EPHB1: variants seen among roughly 807,000 people sequenced by gnomAD.
EPHB1 encodes ephrin type-B receptor 1.
EPHB1 carries 30 observed loss-of-function variants against 94.4 expected under a neutral mutation model. That is an observed-to-expected ratio of 0.32 (90% CI 0.24 to 0.43). EPHB1 has a LOEUF of 0.43. Among genes scored for constraint, EPHB1 ranks in the 20% least tolerant of loss-of-function variants. The pLI, the probability that EPHB1 is intolerant of heterozygous loss-of-function variation, is 1.00. For synonymous variants in EPHB1, 522 were observed against 489.1 expected (o/e 1.07, Z -0.89); for missense variants, 1,055 against 1,308.3 (o/e 0.81, Z 2.99).
In EPHB1 at chr3:135,011,099, C is replaced by T. The variant is rs115727908; in HGVS notation, c.805+59047C>T. Among the ~76,000 whole-genome samples, 1,107 of 152,288 alleles carry T rather than the reference C, an allele frequency of 7.3e-3. 18 individuals carry two copies. The highest frequency in any genetic ancestry group is 0.025 in the African/African-American group (1,050 of 41,560). On this transcript the variant is annotated intron_variant, in intron 3 of 15. Coordinates refer to ENST00000398015, the MANE Select transcript of EPHB1 (RefSeq NM_004441.5). ...TTGAATCTTCTTGCCTATTTGTGTACATGGGGTTGCAGGGGCAACCTGCCT... is the reference window on the plus strand; with the variant it reads ...TTGAATCTTCTTGCCTATTTGTGTATATGGGGTTGCAGGGGCAACCTGCCT...
intron 9 of EPHB1, among the ~76,000 whole-genome samples, chr3:135,175,610 A>AT: frequency 1.3e-5 from 2 of 152,306 alleles, no homozygotes; most frequent in South Asian, 4.1e-4. Context: ...CATACATAAC[A>AT]TTTTTGTGCC....
chr3:134,798,416 CAGG>C (rs1287025553), intron 1 of EPHB1, among the ~76,000 whole-genome samples: 1 of 152,184 alleles, frequency 6.6e-6, no homozygotes, highest in African/African-American at 2.4e-5. Context: ...CATAATCAGG[CAGG>C]AGGACTGTTG....
intron 6 of EPHB1, among the ~76,000 whole-genome samples, chr3:135,154,657 T>G (rs1234730944): frequency 1.3e-5 from 2 of 152,286 alleles, no homozygotes; most frequent in South Asian, 2.1e-4. Flanking sequence ...TTCAAAGTGT[T>G]TGTGTACCTC....
intron 3 of EPHB1, among the ~76,000 whole-genome samples, chr3:134,998,933 A>G (rs1425371185): frequency 1.3e-5 from 2 of 152,196 alleles, no homozygotes; most frequent in African/African-American, 4.8e-5. Flanking sequence ...GAGGAAGAAG[A>G]TAAGCCAGGA....
chr3:135,026,362 C>A (rs1208082060), intron 3 of EPHB1, among the ~76,000 whole-genome samples: 1 of 145,576 alleles, frequency 6.9e-6, no homozygotes, highest in Non-Finnish European at 1.5e-5. Context: ...ACGTTTAAGT[C>A]TTTAATCCAT....
intron 4 of EPHB1, among the ~76,000 whole-genome samples, chr3:135,128,039 G>A (rs115033004): frequency 1.2e-4 from 19 of 152,278 alleles, no homozygotes; most frequent in East Asian, 3.9e-4. Flanking sequence ...AGAAGTAACC[G>A]TGGCAACAGA....
At chr3:135,159,131 A>C (rs1161398657) in intron 6 of EPHB1, among the ~76,000 whole-genome samples, 1 of 152,186 alleles carries the variant, frequency 6.6e-6, no homozygotes, top group African/African-American at 2.4e-5. Context: ...CAACAGCTGC[A>C]TTCTCCATCC....
At chr3:135,220,810 C>A (rs774655412) in intron 12 of EPHB1, among the ~76,000 whole-genome samples, 10 of 152,112 alleles carry the variant, frequency 6.6e-5, no homozygotes, top group Non-Finnish European at 1.3e-4. Flanking sequence ...GTGCCTGAGG[C>A]TGACCCCAGC....
chr3:135,132,092 C>A (rs911518913), intron 4 of EPHB1, among the ~76,000 whole-genome samples: 1 of 152,174 alleles, frequency 6.6e-6, no homozygotes, highest in African/African-American at 2.4e-5. Flanking sequence ...TCATGGGGCC[C>A]AAAGTGACTA....
chr3:135,066,934 C>A (rs1937587657), intron 3 of EPHB1, among the ~76,000 whole-genome samples: 1 of 152,166 alleles, frequency 6.6e-6, no homozygotes, highest in Non-Finnish European at 1.5e-5. Context: ...TTCCTGAGAG[C>A]CAGGCTGCAG....
At chr3:135,140,351 C>T (rs571241897) in intron 5 of EPHB1, among the ~76,000 whole-genome samples, 6 of 152,290 alleles carry the variant, frequency 3.9e-5, no homozygotes, top group South Asian at 2.1e-4. Context: ...CAGGAGAGAA[C>T]GCCCTGTATC....
chr3:135,155,615 C>A (rs1020909331), intron 6 of EPHB1, among the ~76,000 whole-genome samples: 2 of 151,494 alleles, frequency 1.3e-5, no homozygotes, highest in African/African-American at 4.9e-5. Flanking sequence ...ACTAGCCTGA[C>A]CAACATAATG....
At chr3:135,086,690 C>T (rs1938374644) in intron 3 of EPHB1, among the ~76,000 whole-genome samples, 1 of 152,018 alleles carries the variant, frequency 6.6e-6, no homozygotes, top group Admixed American at 6.6e-5. Context: ...AGAGAGGAGA[C>T]TGCCTGTTCT....
At chr3:134,891,506 C>A (rs964194079) in intron 1 of EPHB1, among the ~76,000 whole-genome samples, 1 of 152,052 alleles carries the variant, frequency 6.6e-6, no homozygotes, top group Non-Finnish European at 1.5e-5. Flanking sequence ...TATCCATGTA[C>A]TATTATTTTA....
intron 2 of EPHB1, among the ~76,000 whole-genome samples, chr3:134,937,437 C>A (rs2039024407): frequency 6.6e-6 from 1 of 152,226 alleles, no homozygotes; most frequent in Admixed American, 6.5e-5. Flanking sequence ...GAGCTCCTGC[C>A]AGAGGCCCCA....
intron 1 of EPHB1, among the ~76,000 whole-genome samples, chr3:134,862,490 T>G (rs2037286668): frequency 1.1e-5 from 1 of 88,918 alleles, no homozygotes; most frequent in Non-Finnish European, 2.2e-5. Context: ...TGTTCAAATC[T>G]TGTAAGCTCA....
intron 3 of EPHB1, among the ~76,000 whole-genome samples, chr3:135,010,687 G>A (rs573987360): frequency 2.0e-5 from 3 of 149,320 alleles, no homozygotes; most frequent in East Asian, 2.0e-4. Context: ...CCTCATCCTC[G>A]CAGGTAGCTG....
intron 3 of EPHB1, among the ~76,000 whole-genome samples, chr3:135,001,674 C>T (rs919505203): frequency 6.6e-6 from 1 of 152,144 alleles, no homozygotes; most frequent in African/African-American, 2.4e-5. Flanking sequence ...GTCGGGCATG[C>T]ACTCAGTTCT....
In EPHB1 at chr3:134,951,961, C is replaced by G; in HGVS notation, c.714C>G (p.Leu238=). The change falls in exon 3 of 16, where the codon CTC becomes CTG. Residue 238 remains leucine (L), a synonymous_variant. Coordinates refer to ENST00000398015, the MANE Select transcript of EPHB1 (RefSeq NM_004441.5). The surrounding 1 kb of genome is among the most constrained non-coding windows in gnomAD (Gnocchi z 4.5). ...AGGAAGTGGACGTGCCCATCAAACTCTACTGCAACGGGGATGGGGAATGGA... is the reference window on the plus strand; with the variant it reads ...AGGAAGTGGACGTGCCCATCAAACTGTACTGCAACGGGGATGGGGAATGGA... ...NAEEVDVPIK[L]YCNGDGEWMV... 1 of 1,614,054 alleles carries G rather than the reference C, an allele frequency of 6.2e-7. No homozygotes were observed. The highest frequency in any genetic ancestry group is 8.5e-7 in the Non-Finnish European group (1 of 1,179,898).
Sources: allele counts gnomAD v4.1 joint callset (sites outside exome capture counted in the v4.1 genomes callset), GRCh38; gene constraint gnomAD v4.1.1; non-coding constraint Gnocchi (gnomAD v3.1); transcripts MANE v1.5; gene names NCBI Gene and HGNC (gene_info 2026-07-23, HGNC 2026-07-21).